Variants in MAPK14 observed in about 807,000 individuals in gnomAD.
The protein encoded by MAPK14 is CSAID-binding protein.
A neutral mutation model predicts 49.6 loss-of-function variants in MAPK14; 16 were observed. The ratio of observed to expected loss-of-function variants is 0.32; its 90% confidence interval spans 0.22 to 0.49. The LOEUF (loss-of-function observed/expected upper bound fraction) is 0.49, where lower values mean the gene tolerates loss of function less well. Among genes scored for constraint, MAPK14 ranks in the 20% least tolerant of loss-of-function variants. The pLI, the probability that MAPK14 is intolerant of heterozygous loss-of-function variation, is 0.99. For synonymous variants in MAPK14, 142 were observed against 158.0 expected (o/e 0.90, Z 0.76); for missense variants, 200 against 441.2 (o/e 0.45, Z 4.90).
At chr6:36,090,049 T>A (rs1765155811) in intron 8 of MAPK14, among the ~76,000 whole-genome samples, 1 of 152,242 alleles carries the variant, frequency 6.6e-6, no homozygotes, top group East Asian at 1.9e-4. Context: ...CATAATGGGT[T>A]AATGGAGCTG....
rs1024616812 is a variant in MAPK14, at chr6:36,050,480, G to T, written c.117-2219G>T. On this transcript the variant is annotated intron_variant, in intron 1 of 11. Coordinates refer to ENST00000229794, the MANE Select transcript of MAPK14 (RefSeq NM_139012.3). Reference sequence around the variant, plus strand: ...TAGAATGTGACCATGAAGATGGCTGGGTGTGGTGGAGTTTCCTAGAGAGGT... The same window carrying T: ...TAGAATGTGACCATGAAGATGGCTGTGTGTGGTGGAGTTTCCTAGAGAGGT... Among the ~76,000 whole-genome samples, 3 of 152,164 alleles carry T rather than the reference G, an allele frequency of 2.0e-5. No individual in the cohort carries two copies. In the East Asian group the frequency reaches 5.8e-4, roughly 29 times the overall value.
chr6:36,051,201 C>T (rs12661173), intron 1 of MAPK14, among the ~76,000 whole-genome samples: 16,366 of 151,672 alleles, frequency 0.11, 1,658 homozygotes, highest in East Asian at 0.5. Flanking sequence ...CTGCAACCTC[C>T]GCCTCCTGGG....
intron 2 of MAPK14, among the ~76,000 whole-genome samples, chr6:36,058,200 A>G (rs1433412809): frequency 6.6e-6 from 1 of 152,186 alleles, no homozygotes; most frequent in Non-Finnish European, 1.5e-5. Context: ...GAATAATACC[A>G]AGAATATACT....
At chr6:36,070,321 T>G (rs1764219169) in intron 3 of MAPK14, among the ~76,000 whole-genome samples, 1 of 152,230 alleles carries the variant, frequency 6.6e-6, no homozygotes. Flanking sequence ...CAGTTAGTTT[T>G]AGATCCAACT....
chr6:36,068,146 T>G (rs1199297194), intron 3 of MAPK14, among the ~76,000 whole-genome samples: 1 of 151,968 alleles, frequency 6.6e-6, no homozygotes, highest in Non-Finnish European at 1.5e-5. Context: ...AGTAGAGGAA[T>G]TAGACCTGGG....
chr6:36,117,169 C>T, the MAPK14 span, among the ~76,000 whole-genome samples: 1 of 152,200 alleles, frequency 6.6e-6, no homozygotes, highest in African/African-American at 2.4e-5. Flanking sequence ...GCCCCTTGCC[C>T]TCGCTTCTCT....
chr6:36,114,555 T>G (rs1581865999), downstream of MAPK14, among the ~76,000 whole-genome samples: 1 of 150,734 alleles, frequency 6.6e-6, no homozygotes, highest in African/African-American at 2.4e-5. Flanking sequence ...GAGGCGGAGG[T>G]TGCAGTGAGC....
At chr6:36,063,079 T>C (rs1763892022) in intron 3 of MAPK14, among the ~76,000 whole-genome samples, 2 of 152,158 alleles carry the variant, frequency 1.3e-5, no homozygotes, top group Admixed American at 6.5e-5. Flanking sequence ...AAATATGTCA[T>C]TAGGTGATTT....
chr6:36,033,537 G>A (rs1017891117), intron 1 of MAPK14, among the ~76,000 whole-genome samples: 3 of 152,028 alleles, frequency 2.0e-5, no homozygotes, highest in South Asian at 2.1e-4. Flanking sequence ...GGCCAGTCTC[G>A]AACTCCTGAC....
chr6:36,033,995 G>T (rs1185423957), intron 1 of MAPK14, among the ~76,000 whole-genome samples: 1 of 152,162 alleles, frequency 6.6e-6, no homozygotes, highest in African/African-American at 2.4e-5. Context: ...TAAAGGAATG[G>T]CATACTTGTC....
chr6:36,062,899 C>G (rs1271449532), intron 3 of MAPK14, among the ~76,000 whole-genome samples: 2 of 152,114 alleles, frequency 1.3e-5, no homozygotes, highest in Non-Finnish European at 2.9e-5. Context: ...CTCAAGTGAT[C>G]CACCCACCTC....
At chr6:36,087,738 A>G (rs772490038) in intron 8 of MAPK14, among the ~76,000 whole-genome samples, 2 of 152,234 alleles carry the variant, frequency 1.3e-5, no homozygotes, top group Non-Finnish European at 2.9e-5. Context: ...ATTTAATGCT[A>G]TTCCCATTAA....
the MAPK14 span, among the ~76,000 whole-genome samples, chr6:36,116,423 T>A: frequency 6.6e-6 from 1 of 152,082 alleles, no homozygotes; most frequent in Non-Finnish European, 1.5e-5. Flanking sequence ...CTGGGAAATG[T>A]AAGTATATTA....
At chr6:36,088,586 G>A (rs1245897856) in intron 8 of MAPK14, among the ~76,000 whole-genome samples, 1 of 152,016 alleles carries the variant, frequency 6.6e-6, no homozygotes, top group African/African-American at 2.4e-5. Flanking sequence ...GCCAGGCATG[G>A]TGGTGTGCGC....
chr6:36,099,689 C>T (rs140324444), intron 9 of MAPK14, among the ~76,000 whole-genome samples: 147 of 152,328 alleles, frequency 9.7e-4, no homozygotes, highest in Non-Finnish European at 1.7e-3. Context: ...CTTATTAACC[C>T]AGATGCCCAC....
intron 8 of MAPK14, among the ~76,000 whole-genome samples, chr6:36,083,978 G>C (rs1324257244): frequency 6.6e-6 from 1 of 152,160 alleles, no homozygotes; most frequent in Non-Finnish European, 1.5e-5. Flanking sequence ...CTGGGACGGA[G>C]CTCCCAGAGG....
chr6:36,095,303 T>C (rs1453888313), intron 8 of MAPK14, among the ~76,000 whole-genome samples: 3 of 152,204 alleles, frequency 2.0e-5, no homozygotes, highest in African/African-American at 7.2e-5. Context: ...TGAAACCGCC[T>C]GTATTTGCGT....
chr6:36,110,526 TGTTAGG>T lies in MAPK14; in HGVS notation c.*2080_*2085del, dbSNP rs1312254679. 9.8e-5 allele frequency: 15 copies of T among 152,818 alleles called. No homozygotes were observed. Among genetic ancestry groups the T allele is most frequent in the African/African-American group, 3.6e-4 (15 of 41,596 alleles). 9.5% of individuals were successfully genotyped at this position (152,818 alleles called of 1,614,324 possible). On this transcript the variant is annotated 3_prime_UTR_variant, in exon 12 of 12. Coordinates refer to ENST00000229794, the MANE Select transcript of MAPK14 (RefSeq NM_139012.3). ...GTCTTTGCACATGTGACCACATACGTGTTAGGAGGCTGCATGCTCTGGAAGCCTGGA... is the reference window on the plus strand; with the variant it reads ...GTCTTTGCACATGTGACCACATACGTAGGCTGCATGCTCTGGAAGCCTGGA...
chr6:36,088,579 A>G (rs937736038), intron 8 of MAPK14, among the ~76,000 whole-genome samples: 4 of 152,014 alleles, frequency 2.6e-5, no homozygotes, highest in Admixed American at 6.5e-5. Context: ...AAAATTAGCC[A>G]GGCATGGTGG....
Sources: gnomAD v4.1 joint callset for allele counts (sites outside exome capture counted in the v4.1 genomes callset) on GRCh38, gnomAD v4.1.1 for gene constraint, MANE v1.5 for transcripts, NCBI Gene and HGNC (gene_info 2026-07-23, HGNC 2026-07-21) for gene names.